Variants in BRD9 observed in about 807,000 individuals in gnomAD.
The protein encoded by BRD9 is bromodomain-containing protein 9.
Under a neutral mutation model 68.7 loss-of-function variants are expected in BRD9, and 47 were observed. That is an observed-to-expected ratio of 0.68 (90% CI 0.54 to 0.87). The LOEUF is 0.87. Among genes scored for constraint, BRD9 ranks in the 40% least tolerant of loss-of-function variants. The pLI is 0.00. For synonymous variants in BRD9, 313 were observed against 293.9 expected, an observed-to-expected ratio of 1.06 and a Z score of -0.67; for missense variants, 670 against 748.4, an observed-to-expected ratio of 0.90 and a Z score of 1.22.
intron 3 of BRD9, among the ~76,000 whole-genome samples, chr5:890,954 G>A (rs1238922236): frequency 6.6e-6 from 1 of 152,164 alleles, no homozygotes; most frequent in Non-Finnish European, 1.5e-5. Context: ...GGGCACCAGT[G>A]GTAACTGGCC....
chr5:876,062 G>A (rs755117638), intron 12 of BRD9, 39 bp downstream of exon 12: 2 of 1,472,302 alleles, frequency 1.4e-6, no homozygotes, highest in Non-Finnish European at 1.9e-6. Flanking sequence ...AGCACCCCAA[G>A]GGCACCTGCC....
At position 871,657 on chromosome 5, in the gene BRD9, T is replaced by C. The variant is rs75505368; in HGVS notation, c.1384-93A>G. 7,510 of 1,207,668 alleles carry C rather than the reference T, an allele frequency of 6.2e-3. 209 individuals are homozygous for C. In the African/African-American group the frequency reaches 0.07, roughly 11 times the overall value. The allele number at this position is 1,207,668 out of a possible 1,614,324, so 74.8% of individuals were successfully genotyped here. Reference sequence around the variant, plus strand: ...ACATTACACACACGTAAAAATGGCTTGTGCGCTTCTGCGAATTCTGCTCCC... The same window carrying C: ...ACATTACACACACGTAAAAATGGCTCGTGCGCTTCTGCGAATTCTGCTCCC... On this transcript the variant is annotated intron_variant, in intron 12 of 15. Transcript: ENST00000467963.
In BRD9 at chr5:891,801, C is replaced by T. The variant is rs1753452495; in HGVS notation, c.106G>A (p.Gly36Arg). The change falls in exon 2 of 16, where the codon GGA becomes AGA. Residue 36 changes from glycine to arginine, a missense_variant. Gly to Arg is a moderately radical substitution (Grantham distance 125, BLOSUM62 -2). Coordinates refer to ENST00000467963, the MANE Select transcript of BRD9 (RefSeq NM_023924.5). ...CCTGAGAGTTCAGTCACTTCACTTC[C>T]TCCGACCTTCAGGACTAGCTTTAGA... The part of the protein sequence containing the change: ...KPLKLVLKVG[G>R]SEVTELSGSG... The T allele has an allele frequency of 6.4e-7, 1 of 1,551,638 alleles. No homozygotes were observed. The highest frequency in any genetic ancestry group is 8.7e-7 in the Non-Finnish European group (1 of 1,146,988).
intron 15 of BRD9, 44 bp from the exon 16 acceptor site, chr5:864,612 C>A: frequency 6.4e-7 from 1 of 1,551,686 alleles, no homozygotes; most frequent in South Asian, 1.1e-5. Flanking sequence ...AGGACAGACC[C>A]GCAGCACACG....
At chr5:877,781 A>C (rs1751169878) in intron 11 of BRD9, among the ~76,000 whole-genome samples, 1 of 152,132 alleles carries the variant, frequency 6.6e-6, no homozygotes, top group African/African-American at 2.4e-5. Context: ...GGGGACTTTA[A>C]CGGCCTTTAG....
At chr5:890,384 C>G (rs1483093751) in intron 3 of BRD9, among the ~76,000 whole-genome samples, 1 of 152,130 alleles carries the variant, frequency 6.6e-6, no homozygotes, top group Non-Finnish European at 1.5e-5. Flanking sequence ...CGTCTGTTTC[C>G]CTATAATCCA....
chr5:875,200 T>A (rs906199352), intron 12 of BRD9, among the ~76,000 whole-genome samples: 5 of 152,328 alleles, frequency 3.3e-5, no homozygotes, highest in African/African-American at 1.2e-4. Flanking sequence ...CCGAAGCATC[T>A]TCTTCTTCCT....
intron 1 of BRD9, chr5:892,159 G>A (rs543204855): frequency 2.3e-6 from 1 of 438,572 alleles, no homozygotes; most frequent in Admixed American, 4.1e-5. Flanking sequence ...GAACCCCGGA[G>A]CCCGATCTCC....
chr5:871,341 G>A (rs1470227784), intron 13 of BRD9, among the ~76,000 whole-genome samples, 185 bp downstream of exon 13: 1 of 152,234 alleles, frequency 6.6e-6, no homozygotes, highest in Non-Finnish European at 1.5e-5. Context: ...AGAATGTACT[G>A]CGGCTTCACA....
intron 15 of BRD9, among the ~76,000 whole-genome samples, chr5:864,876 C>CAAA (rs1749118224): frequency 6.6e-6 from 1 of 152,332 alleles, no homozygotes; most frequent in South Asian, 2.1e-4. Context: ...TCGGGGGCCT[C>CAAA]AGACTTTGAC....
At chr5:877,992 T>C (rs1449070797) in intron 11 of BRD9, among the ~76,000 whole-genome samples, 1 of 152,184 alleles carries the variant, frequency 6.6e-6, no homozygotes. Flanking sequence ...TGCCCACACC[T>C]TCATGGCAAA....
At chr5:878,073 T>C (rs1217111730) in intron 11 of BRD9, among the ~76,000 whole-genome samples, 1 of 152,078 alleles carries the variant, frequency 6.6e-6, no homozygotes, top group African/African-American at 2.4e-5. Flanking sequence ...CACGGTCACT[T>C]AGGAAACACA....
rs373253068 is a variant in BRD9, at chr5:876,225, C to T, written c.1272-13G>A. The T allele has an allele frequency of 6.6e-5, 106 of 1,604,086 alleles. No individual in the cohort carries two copies. The highest frequency in any genetic ancestry group is 1.9e-4 in the African/African-American group (14 of 74,878). On this transcript the variant is annotated splice_polypyrimidine_tract_variant and intron_variant, in intron 11 of 15. Coordinates refer to ENST00000467963, the MANE Select transcript of BRD9 (RefSeq NM_023924.5). ...AAACTCCTGCAGGCTAGAGGGGCCG[C>T]GGGAGAAGGTACGCTGAAAGGAGCC...
Position 886,668 on chromosome 5 carries a change from C to G in BRD9, c.757G>C (p.Glu253Gln). The change falls in exon 7 of 16, where the codon GAA becomes CAA. Residue 253 changes from glutamate to glutamine, a missense_variant. This residue lies in a region of BRD9 where 135 missense variants were observed against 141.2 expected (regional missense o/e 0.96). Transcript: ENST00000467963. ...ACTGGTACAACTTCAGGGACAGGTT[C>G]CTCAACAGCTGTATCTTCATTGCCC... ...LLGNEDTAVE[E>Q]PVPEVVPVQV... 1 of 1,614,156 alleles carries G rather than the reference C, an allele frequency of 6.2e-7. No homozygotes were observed.
Position 890,685 on chromosome 5 carries a change from G to A in BRD9, c.400+470C>T, listed in dbSNP as rs371660571. On this transcript the variant is annotated intron_variant, in intron 3 of 15. Transcript: ENST00000467963. ...CTTCTTCCCAAGGGGAATTACCTGCGTTTTCACTGACATGCATCTCTCTTA... is the reference window on the plus strand; with the variant it reads ...CTTCTTCCCAAGGGGAATTACCTGCATTTTCACTGACATGCATCTCTCTTA... Among the ~76,000 whole-genome samples, 6 of 152,252 alleles carry A rather than the reference G, an allele frequency of 3.9e-5. No individual in the cohort carries two copies. In the East Asian group the frequency reaches 7.7e-4, roughly 20 times the overall value.
Position 864,491 on chromosome 5 carries a change from G to A in BRD9, c.1771C>T (p.Pro591Ser), listed in dbSNP as rs1310438283. Residue 591 changes from proline to serine, a missense_variant, in exon 16 of 16, where the codon CCT becomes TCT. Pro to Ser is a moderately conservative substitution (Grantham distance 74). Around this residue, in one of 5 missense-constraint regions of BRD9, gnomAD observed 280 missense variants for 281.5 expected, o/e 0.99. Transcript: ENST00000467963. ...DPYEFLQSPE[P>S]AASAKT ...AGTTAGGTCTTGGCAGAGGCCGCAG[G>A]CTCTGGAGACTGAAGAAACTCATAG... is the stretch of plus-strand genomic sequence containing the variant. The A allele has an allele frequency of 6.2e-7, 1 of 1,613,656 alleles. No individual in the cohort carries two copies. The highest frequency in any genetic ancestry group is 8.5e-7 in the Non-Finnish European group (1 of 1,179,742).
intron 1 of BRD9, chr5:892,399 T>C (rs1001373367): frequency 8.3e-7 from 1 of 1,204,132 alleles, no homozygotes; most frequent in Non-Finnish European, 1.1e-6. Flanking sequence ...CAGAACCCTC[T>C]ACCAGGAACG....
At chr5:889,886 T>A (rs1753105059) in intron 3 of BRD9, 2 of 668,352 alleles carry the variant, frequency 3.0e-6, no homozygotes, top group Non-Finnish European at 4.9e-6. Context: ...AGCCCTTACA[T>A]CAACAATATG....
intron 12 of BRD9, among the ~76,000 whole-genome samples, chr5:875,838 T>C (rs778584520): frequency 6.6e-6 from 1 of 152,212 alleles, no homozygotes; most frequent in African/African-American, 2.4e-5. Flanking sequence ...TTTTAAACTC[T>C]TCAGGATGAA....
Sources: gnomAD v4.1 joint callset for allele counts (sites outside exome capture counted in the v4.1 genomes callset) on GRCh38, gnomAD v4.1.1 for gene constraint, gnomAD v4.1.1 regional missense constraint, MANE v1.5 for transcripts, NCBI Gene and HGNC (gene_info 2026-07-23, HGNC 2026-07-21) for gene names.